SNX10: variants seen among roughly 807,000 people sequenced by gnomAD.
SNX10 encodes the protein sorting nexin 10.
Under a neutral mutation model 28.5 loss-of-function variants are expected in SNX10, and 25 were observed. The ratio of observed to expected loss-of-function variants is 0.88; its 90% CI spans 0.64 to 1.22. The LOEUF is 1.22. Ranked by LOEUF, SNX10 falls within the 50% of genes most tolerant of loss-of-function variation. The pLI, the probability that SNX10 is intolerant of heterozygous loss-of-function variation, is 0.00. For synonymous variants in SNX10, 62 were observed against 81.4 expected, an observed-to-expected ratio of 0.76 and a Z score of 1.28; for missense variants, 223 against 242.6, an observed-to-expected ratio of 0.92 and a Z score of 0.54.
At chr7:26,357,068 C>G (rs747074097) in intron 2 of SNX10, 4 of 1,227,094 alleles carry the variant, frequency 3.3e-6, no homozygotes, top group Non-Finnish European at 4.3e-6. Context: ...GCATTCAAGT[C>G]TTACAAGACA....
rs368003895 is a variant in SNX10, at chr7:26,343,389, C to T, written c.-23-3031C>T. On this transcript the variant is annotated intron_variant, in intron 1 of 6. Coordinates refer to ENST00000338523, the MANE Select transcript of SNX10 (RefSeq NM_013322.3). ...TGGGCAACTTAACCCCTTAACCCCT[C>T]TGACCTTCCGCTTTCTTGTGAAGTG... 3.7e-4 allele frequency among the ~76,000 whole-genome samples: 56 copies of T among 152,324 alleles called. No individual in the cohort carries two copies. In the East Asian group the frequency reaches 9.9e-3, roughly 27 times the overall value.
chr7:26,359,993 T>C (rs1166301209), intron 2 of SNX10, among the ~76,000 whole-genome samples: 2 of 152,196 alleles, frequency 1.3e-5, no homozygotes. Flanking sequence ...TCTATTCTTA[T>C]TATCTTTATA....
intron 1 of SNX10, among the ~76,000 whole-genome samples, chr7:26,340,243 G>A (rs1172031240): frequency 6.6e-6 from 1 of 152,198 alleles, no homozygotes; most frequent in Non-Finnish European, 1.5e-5. Flanking sequence ...TGAAGGCACA[G>A]TAATGGCTTG....
intron 1 of SNX10, among the ~76,000 whole-genome samples, chr7:26,316,718 AG>A (rs1169924727): frequency 6.6e-6 from 1 of 152,222 alleles, no homozygotes; most frequent in Non-Finnish European, 1.5e-5. Flanking sequence ...GAGGGTAAGC[AG>A]GTGGACCAGG....
At chr7:26,300,945 G>C (rs1189565873) in intron 1 of SNX10, among the ~76,000 whole-genome samples, 1 of 148,346 alleles carries the variant, frequency 6.7e-6, no homozygotes, top group Non-Finnish European at 1.5e-5. Flanking sequence ...CTTGAGCCTG[G>C]GAGGTGGAGG....
At chr7:26,306,465 G>A (rs1057373927) in intron 1 of SNX10, among the ~76,000 whole-genome samples, 8 of 150,094 alleles carry the variant, frequency 5.3e-5, no homozygotes, top group African/African-American at 2.0e-4. Flanking sequence ...AGGCTGGAGT[G>A]TAGTGATATG....
intron 2 of SNX10, among the ~76,000 whole-genome samples, chr7:26,349,004 A>G (rs10267867): frequency 0.4 from 61,483 of 152,080 alleles, 13,619 homozygotes; most frequent in South Asian, 0.61. Context: ...CAGCTCCTCA[A>G]CAGCACCCTG....
chr7:26,365,546 C>T (rs1248527874), intron 5 of SNX10, among the ~76,000 whole-genome samples: 1 of 152,174 alleles, frequency 6.6e-6, no homozygotes, highest in South Asian at 2.1e-4. Context: ...AGCTCAGTAA[C>T]GGGCTGCTAA....
At chr7:26,372,102 TATAG>T (rs1323477257) in intron 6 of SNX10, 69 bp downstream of exon 6, 7 of 951,278 alleles carry the variant, frequency 7.4e-6, no homozygotes, top group Middle Eastern at 2.9e-4. Context: ...TATGCACGTG[TATAG>T]ATATATATAC....
chr7:26,345,102 C>A (rs981766315), intron 1 of SNX10, among the ~76,000 whole-genome samples: 2 of 152,198 alleles, frequency 1.3e-5, no homozygotes, highest in African/African-American at 2.4e-5. Context: ...AGGGTTCACT[C>A]CAGTCATCCA....
intron 1 of SNX10, among the ~76,000 whole-genome samples, chr7:26,316,989 T>A (rs894938210): frequency 1.3e-5 from 2 of 152,202 alleles, no homozygotes; most frequent in Non-Finnish European, 2.9e-5. Context: ...AATGCATATT[T>A]CCTGTATGCG....
rs572589956 is a variant in SNX10 at position 26,343,010 on chromosome 7, A to C, written c.-23-3410A>C. ...TTTTTTGTAGAGATGGGGTTTCGCC[A>C]TGTTATCCAGGCTGGTCTTGAACTC... On this transcript the variant is annotated intron_variant, in intron 1 of 6. Transcript: ENST00000338523. Among the ~76,000 whole-genome samples, 5 of 152,170 alleles carry C rather than the reference A, an allele frequency of 3.3e-5. No individual in the cohort carries two copies. In the East Asian group the frequency reaches 9.6e-4, roughly 29 times the overall value.
At chr7:26,367,208 A>G (rs538325388) in intron 5 of SNX10, among the ~76,000 whole-genome samples, 45 of 152,298 alleles carry the variant, frequency 3.0e-4, no homozygotes, top group African/African-American at 9.4e-4. Context: ...CCTTCATTCA[A>G]TAGATGTTTA....
chr7:26,308,475 C>T (rs1786681369), intron 1 of SNX10, among the ~76,000 whole-genome samples: 1 of 152,150 alleles, frequency 6.6e-6, no homozygotes, highest in Non-Finnish European at 1.5e-5. Context: ...ATGGTTGCCC[C>T]TGCTTCAGTC....
At chr7:26,344,702 C>A (rs2128011230) in intron 1 of SNX10, among the ~76,000 whole-genome samples, 1 of 152,310 alleles carries the variant, frequency 6.6e-6, no homozygotes, top group South Asian at 2.1e-4. Context: ...GCTTGCACCT[C>A]AGCCCATGGC....
intron 2 of SNX10, among the ~76,000 whole-genome samples, chr7:26,360,041 T>C (rs1312070075): frequency 6.6e-6 from 1 of 152,198 alleles, no homozygotes; most frequent in African/African-American, 2.4e-5. Flanking sequence ...ATTTTTAATA[T>C]CCCTAACTTC....
In SNX10 at chr7:26,373,943, A is replaced by T. The variant is rs1224137316; in HGVS notation, c.*1371A>T. The T allele has an allele frequency of 6.6e-6, 1 of 152,080 alleles. No homozygotes were observed. Among genetic ancestry groups the T allele is most frequent in the Non-Finnish European group, 1.5e-5 (1 of 67,896 alleles). 9.4% of individuals were successfully genotyped at this position (152,080 alleles called of 1,614,324 possible). A position where few individuals can be genotyped will look rare whatever the true frequency, so the allele number is the denominator to read the frequency against. On this transcript the variant is annotated 3_prime_UTR_variant, in exon 7 of 7. Transcript: ENST00000338523. The surrounding 1 kb of genome is among the most constrained non-coding windows in gnomAD (Gnocchi z 4.2). ...CTAACATTAAAAAAATTAAATTTAG[A>T]ATAAGAATGATTTCTTTAATTTGTC...
chr7:26,371,851 T>C lies in SNX10; in HGVS notation c.342T>C (p.Asp114=). The part of the protein sequence containing the change: ...KVLQNALLLS[D]SSLHLFLQSH... ...TACAGAATGCACTTTTGCTTTCAGATAGCAGCCTTCACCTCTTCTTACAGA... is the reference window on the plus strand; with the variant it reads ...TACAGAATGCACTTTTGCTTTCAGACAGCAGCCTTCACCTCTTCTTACAGA... The change falls in exon 6 of 7, where the codon GAT becomes GAC. Residue 114 remains aspartate (D), a synonymous_variant. Transcript: ENST00000338523. 3 of 1,613,556 alleles carry C rather than the reference T, an allele frequency of 1.9e-6. No individual in the cohort carries two copies. The highest frequency in any genetic ancestry group is 1.3e-5 in the African/African-American group (1 of 75,006).
At chr7:26,363,657 G>A (rs552720399) in intron 3 of SNX10, among the ~76,000 whole-genome samples, 16 of 152,088 alleles carry the variant, frequency 1.1e-4, no homozygotes, top group Non-Finnish European at 2.2e-4. Context: ...ATTTACTCTC[G>A]TCTTATGTTT....
Sources: allele counts gnomAD v4.1 joint callset (sites outside exome capture counted in the v4.1 genomes callset), GRCh38; gene constraint gnomAD v4.1.1; non-coding constraint Gnocchi (gnomAD v3.1); transcripts MANE v1.5; gene names NCBI Gene and HGNC (gene_info 2026-07-23, HGNC 2026-07-21).